LAMB4: variants seen among roughly 807,000 people sequenced by gnomAD.
LAMB4 encodes the protein laminin subunit beta 4.
Under a neutral mutation model 199.2 loss-of-function variants are expected in LAMB4, and 196 were observed. The ratio of observed to expected loss-of-function variants is 0.98; its 90% confidence interval spans 0.88 to 1.11. The LOEUF is 1.11. Ranked by LOEUF, LAMB4 falls within the 50% of genes least tolerant of loss-of-function variation. The pLI, the probability that LAMB4 is intolerant of heterozygous loss-of-function variation, is 0.00. For synonymous variants in LAMB4, 744 were observed against 770.6 expected, an observed-to-expected ratio of 0.97 and a Z score of 0.57; for missense variants, 2,080 against 2,171.2, an observed-to-expected ratio of 0.96 and a Z score of 0.83.
At chr7:108,067,903 T>A in intron 19 of LAMB4, 113 bp downstream of exon 19, 1 of 1,264,044 alleles carries the variant, frequency 7.9e-7, no homozygotes. Context: ...GTCTGAATAA[T>A]GTAGTCAGGT....
At chr7:108,020,253 C>A (rs551754157), downstream of LAMB4, among the ~76,000 whole-genome samples, 2 of 151,984 alleles carry the variant, frequency 1.3e-5, no homozygotes, top group Admixed American at 1.3e-4. Context: ...GTGGGCAGAT[C>A]ACAAGGTCAG....
intron 7 of LAMB4, 88 bp downstream of exon 7, chr7:108,106,421 A>G (rs978791892): frequency 1.4e-4 from 20 of 139,696 alleles, no homozygotes; most frequent in Non-Finnish European, 2.4e-4. Context: ...CCGTCTCAAG[A>G]AAAAAAAAAA....
chr7:108,059,847 T>G (rs2036104019), intron 23 of LAMB4, among the ~76,000 whole-genome samples: 1 of 152,248 alleles, frequency 6.6e-6, no homozygotes, highest in Non-Finnish European at 1.5e-5. Context: ...CTGTTAACAT[T>G]TCATCTCCTT....
At chr7:108,077,214 T>A in intron 16 of LAMB4, 150 bp from the exon 17 acceptor site, 1 of 693,766 alleles carries the variant, frequency 1.4e-6, no homozygotes. Flanking sequence ...CCAGCACAGG[T>A]GGGTTGGTTG....
intron 14 of LAMB4, among the ~76,000 whole-genome samples, chr7:108,084,279 T>TG (rs1446870707): frequency 2.6e-5 from 4 of 152,216 alleles, no homozygotes; most frequent in African/African-American, 9.6e-5. Flanking sequence ...TCAGGAATTA[T>TG]GACTCATCAG....
In LAMB4 at chr7:108,098,010, C is replaced by T. The variant is rs567338567; in HGVS notation, c.1360+393G>A. ...GAACCATTATGTTACTTTTTAAAACCCAGAGGTTGGCAGGATTCTTAGGTA... is the reference window on the plus strand; with the variant it reads ...GAACCATTATGTTACTTTTTAAAACTCAGAGGTTGGCAGGATTCTTAGGTA... On this transcript the variant is annotated intron_variant, in intron 11 of 33. Transcript: ENST00000388781. 1.0e-3 allele frequency among the ~76,000 whole-genome samples: 155 copies of T among 152,160 alleles called. 1 individual carries two copies. Among genetic ancestry groups the T allele is most frequent in the African/African-American group, 3.6e-3 (149 of 41,522 alleles).
At chr7:108,107,882 T>C (rs1433031126) in intron 5 of LAMB4, 63 bp from the exon 6 acceptor site, 13 of 1,094,366 alleles carry the variant, frequency 1.2e-5, no homozygotes, top group Non-Finnish European at 1.7e-5. Flanking sequence ...CAACTTCAGA[T>C]TGAATATTTG....
chr7:108,063,704 C>T, intron 22 of LAMB4, 57 bp downstream of exon 22: 1 of 1,443,930 alleles, frequency 6.9e-7, no homozygotes, highest in Non-Finnish European at 9.7e-7. Context: ...GCTGACAACA[C>T]ACTTATGAGC....
At chr7:108,018,700 G>C (rs910650919), downstream of LAMB4, among the ~76,000 whole-genome samples, 2 of 151,904 alleles carry the variant, frequency 1.3e-5, no homozygotes, top group Admixed American at 1.3e-4. Flanking sequence ...GCAAGACTCC[G>C]TCTCAAAAAC....
chr7:108,073,494 C>T (rs1409336249), intron 17 of LAMB4, among the ~76,000 whole-genome samples: 1 of 152,210 alleles, frequency 6.6e-6, no homozygotes, highest in East Asian at 1.9e-4. Context: ...ATCTGGGTAA[C>T]TGAAAACAAA....
At chr7:108,035,216 T>A (rs2035179958) in intron 30 of LAMB4, among the ~76,000 whole-genome samples, 1 of 152,104 alleles carries the variant, frequency 6.6e-6, no homozygotes, top group Non-Finnish European at 1.5e-5. Context: ...ATTATCTTTT[T>A]CTTATATTAT....
the LAMB4 span, among the ~76,000 whole-genome samples, chr7:108,014,451 TTGAGA>T: frequency 6.9e-6 from 1 of 145,276 alleles, no homozygotes; most frequent in African/African-American, 2.7e-5. Flanking sequence ...CTGTGTTGAG[TTGAGA>T]AAGTTGTTTT....
At chr7:108,126,554 C>CCTTTTTTTTTTTTTT in intron 1 of LAMB4, among the ~76,000 whole-genome samples, 1 of 83,520 alleles carries the variant, frequency 1.2e-5, no homozygotes. Context: ...GAATTTCTTT[C>CCTTTTTTTTTTTTTT]TTTTTTTTTT....
chr7:108,084,954 G>A (rs2037112552), intron 14 of LAMB4, among the ~76,000 whole-genome samples: 1 of 151,216 alleles, frequency 6.6e-6, no homozygotes, highest in Non-Finnish European at 1.5e-5. Flanking sequence ...ATCTAGTCTA[G>A]TCTCAAACTC....
downstream of LAMB4, among the ~76,000 whole-genome samples, chr7:108,021,912 TTCTC>T (rs1021895732): frequency 1.5e-4 from 23 of 152,182 alleles, no homozygotes; most frequent in African/African-American, 5.5e-4. Flanking sequence ...GGAATAGATA[TTCTC>T]TCTATTTAGT....
intron 17 of LAMB4, among the ~76,000 whole-genome samples, chr7:108,072,747 A>G (rs2036575921): frequency 6.6e-6 from 1 of 152,182 alleles, no homozygotes; most frequent in Admixed American, 6.5e-5. Flanking sequence ...TGTCTAATTT[A>G]TAGTAGGCGC....
chr7:108,025,750 T>C (rs1311333209), intron 33 of LAMB4, among the ~76,000 whole-genome samples: 1 of 152,110 alleles, frequency 6.6e-6, no homozygotes, highest in African/African-American at 2.4e-5. Context: ...TGTAGGTTAT[T>C]TGGGATTGAA....
intron 10 of LAMB4, among the ~76,000 whole-genome samples, chr7:108,100,737 A>G (rs2037786593): frequency 6.6e-6 from 1 of 152,206 alleles, no homozygotes. Context: ...TACCCAAGAG[A>G]GCAATTTAAT....
At chr7:108,037,839 A>G (rs1043069332) in intron 29 of LAMB4, among the ~76,000 whole-genome samples, 1 of 152,250 alleles carries the variant, frequency 6.6e-6, no homozygotes. Flanking sequence ...TGGAAAAACA[A>G]AATACTAAAG....
Sources: allele counts gnomAD v4.1 joint callset (sites outside exome capture counted in the v4.1 genomes callset), GRCh38; gene constraint gnomAD v4.1.1; transcripts MANE v1.5; gene names NCBI Gene and HGNC (gene_info 2026-07-23, HGNC 2026-07-21).